The following STXBP6 variants were observed in gnomAD, a reference collection of about 807,000 sequenced individuals.
The protein encoded by STXBP6 is syntaxin binding protein 6.
Under a neutral mutation model 26.9 loss-of-function variants are expected in STXBP6, and 21 were observed. The ratio of observed to expected loss-of-function variants is 0.78; its 90% CI spans 0.55 to 1.12. The LOEUF is 1.12. Ranked by LOEUF, STXBP6 falls within the 50% of genes most tolerant of loss-of-function variation. STXBP6 has a pLI of 0.00. For missense variants in STXBP6, 232 were observed against 257.9 expected (o/e 0.90, Z 0.69); for synonymous variants, 97 against 92.6 (o/e 1.05, Z -0.27).
intron 4 of STXBP6, among the ~76,000 whole-genome samples, chr14:24,854,235 G>A (rs771920210): frequency 6.6e-6 from 1 of 152,048 alleles, no homozygotes; most frequent in Non-Finnish European, 1.5e-5. Context: ...TTAGAATGAA[G>A]GAGGTAGCTC....
At chr14:24,918,932 G>A (rs1454179402) in intron 2 of STXBP6, among the ~76,000 whole-genome samples, 1 of 152,074 alleles carries the variant, frequency 6.6e-6, no homozygotes, top group Non-Finnish European at 1.5e-5. Flanking sequence ...CTTCAAGGCT[G>A]TTGGCTCAAG....
At chr14:25,023,371 TA>T (rs775590075) in intron 1 of STXBP6, among the ~76,000 whole-genome samples, 11 of 152,190 alleles carry the variant, frequency 7.2e-5, no homozygotes, top group Non-Finnish European at 1.6e-4. Context: ...TGTTTTCAAA[TA>T]TTTTTTACAA....
intron 2 of STXBP6, among the ~76,000 whole-genome samples, chr14:24,892,201 A>AG (rs1193153218): frequency 1.5e-3 from 226 of 149,766 alleles, no homozygotes; most frequent in Admixed American, 2.3e-3. Flanking sequence ...TGTATACATT[A>AG]TTTTTTTTTT....
chr14:24,913,798 T>A (rs935662417), intron 2 of STXBP6, among the ~76,000 whole-genome samples: 20 of 152,194 alleles, frequency 1.3e-4, no homozygotes, highest in African/African-American at 4.8e-4. Context: ...TTGGTTCACA[T>A]TTTACCACCA....
rs1252025431 is a variant in STXBP6, at chr14:25,049,629, G to T, written c.-33+249C>A. ...ATACTGCCCGCACAACGGGTCCCAG[G>T]GTTGGAGAGAACCAGGGACACGAGT... is the stretch of plus-strand genomic sequence containing the variant. On this transcript the variant is annotated intron_variant, in intron 1 of 5. Coordinates refer to ENST00000323944, the MANE Select transcript of STXBP6 (RefSeq NM_001394410.1). This position sits in a 1 kb window ranked among gnomAD's most constrained non-coding sequence, Gnocchi z 5.6. 5 of 985,342 alleles carry T rather than the reference G, an allele frequency of 5.1e-6. No homozygotes were observed. The highest frequency in any genetic ancestry group is 6.0e-6 in the Non-Finnish European group (5 of 829,970). The allele number at this position is 985,342 out of a possible 1,614,324, so 61.0% of individuals were successfully genotyped here.
chr14:24,924,955 T>C (rs1056997878), intron 2 of STXBP6, among the ~76,000 whole-genome samples: 1 of 152,194 alleles, frequency 6.6e-6, no homozygotes, highest in Non-Finnish European at 1.5e-5. Flanking sequence ...TCAGCTACTA[T>C]AAGAAGAAAA....
chr14:24,821,325 C>A (rs1208839777), intron 4 of STXBP6, among the ~76,000 whole-genome samples: 1 of 152,214 alleles, frequency 6.6e-6, no homozygotes, highest in Non-Finnish European at 1.5e-5. Flanking sequence ...CTGGAATTAA[C>A]CTGCATGATC....
intron 1 of STXBP6, among the ~76,000 whole-genome samples, chr14:25,009,040 A>G (rs2074970701): frequency 6.6e-6 from 1 of 152,206 alleles, no homozygotes; most frequent in African/African-American, 2.4e-5. Flanking sequence ...AGAGCAAGAT[A>G]TGACTTTTAT....
chr14:24,844,080 A>C (rs1272332212), intron 4 of STXBP6, among the ~76,000 whole-genome samples: 1 of 152,164 alleles, frequency 6.6e-6, no homozygotes, highest in Admixed American at 6.5e-5. Flanking sequence ...TTAATGACTT[A>C]ATCAATCATA....
chr14:24,972,454 A>G (rs1466658397), intron 2 of STXBP6, among the ~76,000 whole-genome samples: 1 of 152,224 alleles, frequency 6.6e-6, no homozygotes, highest in African/African-American at 2.4e-5. Flanking sequence ...GCAAACAACT[A>G]TTCTTCAATT....
chr14:24,829,572 T>C (rs926264128), intron 4 of STXBP6, among the ~76,000 whole-genome samples: 3 of 152,232 alleles, frequency 2.0e-5, no homozygotes, highest in Non-Finnish European at 1.5e-5. Context: ...TTGCAGACAC[T>C]GGTTACTCAA....
intron 1 of STXBP6, among the ~76,000 whole-genome samples, chr14:24,991,072 A>G (rs2074461971): frequency 6.6e-6 from 1 of 151,400 alleles, no homozygotes; most frequent in Non-Finnish European, 1.5e-5. Flanking sequence ...GAGGAGAGGC[A>G]GCAGAGGAGA....
intron 1 of STXBP6, among the ~76,000 whole-genome samples, chr14:24,984,642 G>T (rs1477552499): frequency 6.6e-6 from 1 of 152,182 alleles, no homozygotes; most frequent in African/African-American, 2.4e-5. Flanking sequence ...CAATCTGAAT[G>T]GTGATCGAAA....
intron 4 of STXBP6, among the ~76,000 whole-genome samples, chr14:24,836,886 A>G (rs1417080730): frequency 6.6e-6 from 1 of 152,186 alleles, no homozygotes; most frequent in Non-Finnish European, 1.5e-5. Flanking sequence ...GCCTTACCTT[A>G]TATGCCTTAC....
intron 2 of STXBP6, among the ~76,000 whole-genome samples, chr14:24,863,902 G>C (rs1446996995): frequency 3.3e-5 from 5 of 152,052 alleles, no homozygotes; most frequent in Admixed American, 3.3e-4. Flanking sequence ...ATTTTATATG[G>C]AAAATTTATA....
At chr14:25,032,560 A>C (rs1461943253) in intron 1 of STXBP6, among the ~76,000 whole-genome samples, 1 of 152,186 alleles carries the variant, frequency 6.6e-6, no homozygotes, top group Non-Finnish European at 1.5e-5. Context: ...GGAGCACTCA[A>C]CCCGTCCGGG....
rs139033799 is a variant in STXBP6, at chr14:24,972,915, G to C, written c.154+1750C>G. On this transcript the variant is annotated intron_variant, in intron 2 of 5. Coordinates refer to ENST00000323944, the MANE Select transcript of STXBP6 (RefSeq NM_001394410.1). ...GAGGATTGCTTGAGCCCAGGAGTTC[G>C]AGACCAGCCTAGGCAACAGAGTGAG... Among the ~76,000 whole-genome samples, 160 of 152,244 alleles carry C rather than the reference G, an allele frequency of 1.1e-3. 1 individual carries two copies. The highest frequency in any genetic ancestry group is 3.5e-3 in the African/African-American group (145 of 41,538).
chr14:24,840,448 G>T (rs757390002), intron 4 of STXBP6, among the ~76,000 whole-genome samples: 3 of 152,222 alleles, frequency 2.0e-5, no homozygotes, highest in Non-Finnish European at 4.4e-5. Flanking sequence ...CTTTGACAGT[G>T]TGATTCTTTG....
chr14:24,838,260 C>T (rs1214135325), intron 4 of STXBP6, among the ~76,000 whole-genome samples: 1 of 152,200 alleles, frequency 6.6e-6, no homozygotes, highest in Admixed American at 6.5e-5. Context: ...ATCTACCCAA[C>T]TCGGCCTCCC....
Sources: gnomAD v4.1 joint callset for allele counts (sites outside exome capture counted in the v4.1 genomes callset) on GRCh38, gnomAD v4.1.1 for gene constraint, Gnocchi (gnomAD v3.1) non-coding constraint, MANE v1.5 for transcripts, NCBI Gene and HGNC (gene_info 2026-07-23, HGNC 2026-07-21) for gene names.